EFCAB5: variants seen among roughly 807,000 people sequenced by gnomAD.
EFCAB5 encodes EF-hand calcium-binding domain-containing protein 5.
In EFCAB5, 131 loss-of-function variants were observed where a neutral mutation model predicts 167.9. That is an observed-to-expected ratio of 0.78 (90% CI 0.68 to 0.90). EFCAB5 has a LOEUF of 0.90. EFCAB5 is among the 40% of genes least tolerant of loss of function. The pLI, the probability that EFCAB5 is intolerant of heterozygous loss-of-function variation, is 0.00. For missense variants in EFCAB5, 1,663 were observed against 1,745.2 expected (o/e 0.95, Z 0.84); for synonymous variants, 574 against 602.8 (o/e 0.95, Z 0.70).
intron 7 of EFCAB5, among the ~76,000 whole-genome samples, chr17:30,005,663 T>A (rs892144530): frequency 1.3e-5 from 2 of 152,108 alleles, no homozygotes; most frequent in Non-Finnish European, 2.9e-5. Flanking sequence ...TTCCCTGCCA[T>A]GACAAGAAGG....
At chr17:30,043,905 T>C (rs1013621453) in intron 8 of EFCAB5, among the ~76,000 whole-genome samples, 5 of 152,114 alleles carry the variant, frequency 3.3e-5, no homozygotes, top group South Asian at 2.1e-4. Context: ...TTCAAAGGAC[T>C]CACAACAGCC....
Position 30,055,928 on chromosome 17 carries a change from A to G in EFCAB5, c.2235A>G (p.Glu745=). 2 of 1,613,718 alleles carry G rather than the reference A, an allele frequency of 1.2e-6. No homozygotes were observed. Among genetic ancestry groups the G allele is most frequent in the Non-Finnish European group, 1.7e-6 (2 of 1,179,774 alleles). Reference sequence around the variant, plus strand: ...AAGTTCAGAAAGACAAGCCCTGTGAACCCAAGTCCCAAAAAATAGAAGGAA... The same window carrying G: ...AAGTTCAGAAAGACAAGCCCTGTGAGCCCAAGTCCCAAAAAATAGAAGGAA... The part of the protein sequence containing the change: ...KKEVQKDKPC[E]PKSQKIEGKS... The change falls in exon 11 of 23, where the codon GAA becomes GAG. Residue 745 remains glutamate, a synonymous_variant. Coordinates refer to ENST00000394835, the MANE Select transcript of EFCAB5 (RefSeq NM_198529.4).
upstream of EFCAB5, among the ~76,000 whole-genome samples, chr17:29,938,035 GACCCAC>G (rs2067260299): frequency 6.6e-6 from 1 of 152,152 alleles, no homozygotes; most frequent in Admixed American, 6.5e-5. Context: ...TTCTCAAAGG[GACCCAC>G]CTTTCAATTA....
At position 29,999,987 on chromosome 17, in the gene EFCAB5, C is replaced by T. The variant is rs1246911347; in HGVS notation, c.1044+11C>T. ...ATGGAATTTACAGAAGTAAGAGTTACATTATTTAATGTTTGAATTGAATTA... is the reference window on the plus strand; with the variant it reads ...ATGGAATTTACAGAAGTAAGAGTTATATTATTTAATGTTTGAATTGAATTA... On this transcript the variant is annotated intron_variant, in intron 7 of 22. Coordinates refer to ENST00000394835, the MANE Select transcript of EFCAB5 (RefSeq NM_198529.4). 1.3e-6 allele frequency: 2 copies of T among 1,535,668 alleles called. No homozygotes were observed. The highest frequency in any genetic ancestry group is 1.9e-5 in the Admixed American group (1 of 51,976).
intron 22 of EFCAB5, among the ~76,000 whole-genome samples, chr17:30,098,133 A>G (rs1567778096): frequency 6.6e-6 from 1 of 151,872 alleles, no homozygotes. Flanking sequence ...TGGGGGTCTC[A>G]CTATATTACC....
chr17:30,057,617 T>A, intron 12 of EFCAB5, 59 bp from the exon 13 acceptor site: 1 of 1,463,520 alleles, frequency 6.8e-7, no homozygotes, highest in Non-Finnish European at 9.4e-7. Context: ...CACTCATTTA[T>A]TTTCCCTAAC....
intron 3 of EFCAB5, among the ~76,000 whole-genome samples, chr17:29,950,315 C>A (rs1223677277): frequency 6.6e-6 from 1 of 151,502 alleles, no homozygotes. Context: ...TTCCTTCCCT[C>A]CTTCCCTCTC....
chr17:30,073,023 C>G (rs550163499), intron 14 of EFCAB5: 2 of 564,454 alleles, frequency 3.5e-6, no homozygotes, highest in African/African-American at 3.9e-5. Context: ...ACTCTGCACT[C>G]TGGCTCCTGT....
chr17:30,092,106 T>C lies in EFCAB5; in HGVS notation c.4173T>C (p.His1391=), dbSNP rs545846875. The change falls in exon 21 of 23, where the codon CAT becomes CAC. Residue 1391 remains histidine (H), a synonymous_variant. Transcript: ENST00000394835. ...TGAAGGCGGTTATCTTGTTCTTTCA[T>C]CCAGAGTTGGAATTTTCAAGTGACT... The part of the protein sequence containing the change: ...DILKAVILFF[H]PELEFSSDFG... 4.3e-5 allele frequency: 69 copies of C among 1,613,962 alleles called. No individual in the cohort carries two copies. Among genetic ancestry groups the C allele is most frequent in the South Asian group, 1.1e-5 (1 of 91,084 alleles).
intron 1 of EFCAB5, among the ~76,000 whole-genome samples, chr17:29,936,456 A>G (rs1315138922): frequency 6.6e-6 from 1 of 152,182 alleles, no homozygotes; most frequent in Admixed American, 6.5e-5. Flanking sequence ...AAAGTATAAT[A>G]ATAATAAAAA....
At chr17:30,052,125 T>A (rs2070116488) in intron 9 of EFCAB5, among the ~76,000 whole-genome samples, 1 of 151,882 alleles carries the variant, frequency 6.6e-6, no homozygotes, top group Admixed American at 6.6e-5. Flanking sequence ...TTTATTTTCA[T>A]TTTTTTTAAA....
intron 8 of EFCAB5, among the ~76,000 whole-genome samples, chr17:30,043,064 G>C (rs1308946905): frequency 6.6e-6 from 1 of 152,046 alleles, no homozygotes; most frequent in East Asian, 1.9e-4. Context: ...AGGAGTGCTT[G>C]AGCCCAGGAG....
At chr17:30,068,611 C>T (rs2070643200) in intron 14 of EFCAB5, 1 of 1,455,304 alleles carries the variant, frequency 6.9e-7, no homozygotes, top group Non-Finnish European at 9.1e-7. Flanking sequence ...CCTTGTGGGG[C>T]TGCCTGTGCG....
At chr17:29,997,446 A>AATAT (rs373923501) in intron 6 of EFCAB5, among the ~76,000 whole-genome samples, 25 of 148,860 alleles carry the variant, frequency 1.7e-4, no homozygotes, top group African/African-American at 5.4e-4. Flanking sequence ...GGGCAAAATG[A>AATAT]ATATATATAT....
Position 30,066,910 on chromosome 17 carries a change from C to A in EFCAB5, c.2737+7209C>A, listed in dbSNP as rs181708030. 2.2e-3 allele frequency among the ~76,000 whole-genome samples: 334 copies of A among 152,180 alleles called. 2 individuals carry two copies. The highest frequency in any genetic ancestry group is 7.7e-3 in the African/African-American group (319 of 41,548). On this transcript the variant is annotated intron_variant, in intron 14 of 22. Transcript: ENST00000394835. ...TATGCCAACATAATAGAAAACCTAG[C>A]AGAAATGGATAAATTCCTGGACACA... is the stretch of plus-strand genomic sequence containing the variant.
intron 9 of EFCAB5, 39 bp downstream of exon 9, chr17:30,051,256 G>A: frequency 6.4e-7 from 1 of 1,571,030 alleles, no homozygotes; most frequent in Non-Finnish European, 8.8e-7. Context: ...AAGCTGGAGT[G>A]TCGCAGTGCA....
At chr17:29,971,697 T>A (rs1417646366) in intron 4 of EFCAB5, among the ~76,000 whole-genome samples, 2 of 152,208 alleles carry the variant, frequency 1.3e-5, no homozygotes, top group African/African-American at 4.8e-5. Context: ...TCAATTACCT[T>A]AGAATTCCTG....
chr17:30,068,572 C>T lies in EFCAB5; in HGVS notation c.2737+8871C>T, dbSNP rs1442577182. The T allele has an allele frequency of 1.3e-5, 12 of 928,960 alleles. No individual in the cohort carries two copies. The East Asian group carries it at 2.9e-4, about 23-fold the overall frequency. 57.5% of individuals were successfully genotyped at this position (928,960 alleles called of 1,614,324 possible). On this transcript the variant is annotated intron_variant, in intron 14 of 22. Transcript: ENST00000394835. ...TATTGTGAAAATGACCATACTACCG[C>T]TGTCACCAGCTGCTGACATGGGCAG... is the stretch of plus-strand genomic sequence containing the variant.
intron 7 of EFCAB5, among the ~76,000 whole-genome samples, chr17:30,033,985 G>C (rs1285641451): frequency 6.6e-6 from 1 of 152,170 alleles, no homozygotes; most frequent in Non-Finnish European, 1.5e-5. Context: ...GTGATATAGA[G>C]GGAAATTGCT....
Sources: gnomAD v4.1 joint callset for allele counts (sites outside exome capture counted in the v4.1 genomes callset) on GRCh38, gnomAD v4.1.1 for gene constraint, MANE v1.5 for transcripts, NCBI Gene and HGNC (gene_info 2026-07-23, HGNC 2026-07-21) for gene names.